Variants in JHY observed in about 807,000 individuals in gnomAD.
JHY encodes jhy protein homolog.
JHY carries 69 observed loss-of-function variants against 78.0 expected under a neutral mutation model. The observed-to-expected ratio is 0.88, with a 90% confidence interval of 0.73 to 1.08. The LOEUF (loss-of-function observed/expected upper bound fraction) is 1.08. Ranked by LOEUF, JHY falls within the 50% of genes least tolerant of loss-of-function variation. JHY has a pLI of 0.00. For synonymous variants in JHY, 368 were observed against 342.6 expected, an observed-to-expected ratio of 1.07 and a Z score of -0.82; for missense variants, 944 against 927.8, an observed-to-expected ratio of 1.02 and a Z score of -0.23.
chr11:122,961,099 C>G lies in JHY; in HGVS notation c.*1654C>G, dbSNP rs1864303813. On this transcript the variant is annotated 3_prime_UTR_variant, in exon 9 of 9. Transcript: ENST00000227349. Reference sequence around the variant, plus strand: ...CAGCCAGTTATGTAAATGTATCTATCCCAATTGAGAGAGCCAGAAACAGTT... The same window carrying G: ...CAGCCAGTTATGTAAATGTATCTATGCCAATTGAGAGAGCCAGAAACAGTT... The G allele has an allele frequency of 9.9e-7, 1 of 1,014,280 alleles. No individual in the cohort carries two copies. Among genetic ancestry groups the G allele is most frequent in the African/African-American group, 1.6e-5 (1 of 62,344 alleles). 62.8% of individuals were successfully genotyped at this position (1,014,280 alleles called of 1,614,324 possible). A position where few individuals can be genotyped will look rare whatever the true frequency, so the allele number is the denominator to read the frequency against.
intron 5 of JHY, among the ~76,000 whole-genome samples, chr11:122,937,166 GC>G (rs1863773119): frequency 6.7e-6 from 1 of 150,308 alleles, no homozygotes; most frequent in African/African-American, 2.4e-5. Context: ...CTGTCATAAA[GC>G]TTTTTGTAGT....
intron 3 of JHY, among the ~76,000 whole-genome samples, chr11:122,924,327 A>G (rs925545541): frequency 2.6e-5 from 4 of 151,868 alleles, no homozygotes. Context: ...ACCCAGCTCT[A>G]CTACTTACTA....
chr11:122,929,330 G>A (rs1363852949), intron 4 of JHY, among the ~76,000 whole-genome samples: 1 of 151,720 alleles, frequency 6.6e-6, no homozygotes, highest in Non-Finnish European at 1.5e-5. Flanking sequence ...GCAGTAATAT[G>A]GACCTGGGTA....
At chr11:122,888,286 A>G (rs566363264) in intron 2 of JHY, among the ~76,000 whole-genome samples, 32 of 152,302 alleles carry the variant, frequency 2.1e-4, no homozygotes, top group Non-Finnish European at 4.1e-4. Context: ...GAAGATTATT[A>G]TGCAAGCTAG....
chr11:122,934,859 A>G lies in JHY; in HGVS notation c.1418A>G (p.Lys473Arg). 6.2e-7 allele frequency: 1 copy of G among 1,613,994 alleles called. No homozygotes were observed. The highest frequency in any genetic ancestry group is 8.5e-7 in the Non-Finnish European group (1 of 1,179,996). ...AATGTTAATAAAGAAAGAGGACACA[A>G]AGACCAAGAAGAGAAAAGATTTTCA... ...GLNVNKERGHKDQEEKRFSYQ... is the reference protein window; with the variant it reads ...GLNVNKERGHRDQEEKRFSYQ... The change falls in exon 5 of 9, where the codon AAA becomes AGA. Residue 473 changes from lysine (K) to arginine (R), a missense_variant. Coordinates refer to ENST00000227349, the MANE Select transcript of JHY (RefSeq NM_024806.4).
intron 2 of JHY, among the ~76,000 whole-genome samples, chr11:122,893,967 C>T (rs1862680028): frequency 6.6e-6 from 1 of 152,130 alleles, no homozygotes; most frequent in Non-Finnish European, 1.5e-5. Flanking sequence ...CACTCCATTG[C>T]CTTCTTATGA....
rs893901755 is a variant in JHY at position 122,961,150 on chromosome 11, T to C, written c.*1705T>C. ...GACTGACTAAATGGAAACTAGGCTA[T>C]GTGGCAAAATCTTTCTGTATTGCCC... is the stretch of plus-strand genomic sequence containing the variant. On this transcript the variant is annotated 3_prime_UTR_variant, in exon 9 of 9. Transcript: ENST00000227349. 6 of 650,526 alleles carry C rather than the reference T, an allele frequency of 9.2e-6. No individual in the cohort carries two copies. Among genetic ancestry groups the C allele is most frequent in the Non-Finnish European group, 1.6e-5 (6 of 368,898 alleles). The allele number at this position is 650,526 out of a possible 1,614,324, so 40.3% of individuals were successfully genotyped here.
chr11:122,961,184 A>G lies in JHY; in HGVS notation c.*1739A>G. On this transcript the variant is annotated 3_prime_UTR_variant, in exon 9 of 9. Coordinates refer to ENST00000227349, the MANE Select transcript of JHY (RefSeq NM_024806.4). ...ATCTTTCTGTATTGCCCTCTACTGA[A>G]GTAGATAGTTTATATCTCCTAAAAA... The G allele has an allele frequency of 3.8e-6, 2 of 521,122 alleles. No homozygotes were observed. The highest frequency in any genetic ancestry group is 7.2e-6 in the Non-Finnish European group (2 of 277,358). 32.3% of individuals were successfully genotyped at this position (521,122 alleles called of 1,614,324 possible).
intron 2 of JHY, among the ~76,000 whole-genome samples, chr11:122,896,847 GGTTT>G (rs112894471): frequency 0.02 from 3,109 of 152,048 alleles, 98 homozygotes; most frequent in African/African-American, 0.068. Flanking sequence ...GCATTTAGAT[GGTTT>G]GTTTGTTTGT....
At chr11:122,947,910 G>A (rs1046977335) in intron 6 of JHY, among the ~76,000 whole-genome samples, 3 of 152,084 alleles carry the variant, frequency 2.0e-5, no homozygotes, top group African/African-American at 7.2e-5. Flanking sequence ...CCAGGCTTTT[G>A]TTCTCCCATA....
At chr11:122,910,458 A>C (rs1863090660) in intron 3 of JHY, among the ~76,000 whole-genome samples, 1 of 151,772 alleles carries the variant, frequency 6.6e-6, no homozygotes, top group South Asian at 2.1e-4. Flanking sequence ...CGACAGAGTG[A>C]GATTCTTGTC....
At chr11:122,886,289 C>CCTTACT in intron 2 of JHY, 96 bp downstream of exon 2, 1 of 1,189,090 alleles carries the variant, frequency 8.4e-7, no homozygotes, top group Non-Finnish European at 1.2e-6. Flanking sequence ...GGCAAGCTGC[C>CCTTACT]CTAATGAGCG....
intron 3 of JHY, among the ~76,000 whole-genome samples, chr11:122,912,441 G>A (rs532360543): frequency 6.6e-6 from 1 of 152,234 alleles, no homozygotes; most frequent in Non-Finnish European, 1.5e-5. Flanking sequence ...CCCATCCCTG[G>A]TAGCAGCATT....
At position 122,884,974 on chromosome 11, in the gene JHY, A is replaced by AT. The variant is rs11314367; in HGVS notation, c.-89-771dup. On this transcript the variant is annotated intron_variant, in intron 1 of 8. Coordinates refer to ENST00000227349, the MANE Select transcript of JHY (RefSeq NM_024806.4). ...CCCACCATGCCCACTAATTTTTTGT[A>AT]TTTTTTTTTTTTTTTTGTAGAGATG... is the stretch of plus-strand genomic sequence containing the variant. Among the ~76,000 whole-genome samples the AT allele has an allele frequency of 5.7e-3, 747 of 131,758 alleles. 2 individuals carry two copies. The highest frequency in any genetic ancestry group is 0.01 in the East Asian group (46 of 4,538). 86.4% of individuals were successfully genotyped at this position (131,758 alleles called of 152,430 possible).
At chr11:122,954,278 G>A (rs1255758599) in intron 6 of JHY, among the ~76,000 whole-genome samples, 2 of 152,180 alleles carry the variant, frequency 1.3e-5, no homozygotes, top group Non-Finnish European at 2.9e-5. Context: ...CAGCCTTAAA[G>A]CTTTCCAAAA....
At position 122,904,103 on chromosome 11, in the gene JHY, G is replaced by A. The variant is rs971043605; in HGVS notation, c.523G>A (p.Gly175Arg). The A allele has an allele frequency of 1.9e-6, 3 of 1,614,118 alleles. No homozygotes were observed. Among genetic ancestry groups the A allele is most frequent in the East Asian group, 4.5e-5 (2 of 44,874 alleles). ...CCAGGAGACGTCAATGGAACTCTCCGGGGGAAAAGGCGAGCAGAAAGAGAG... is the reference window on the plus strand; with the variant it reads ...CCAGGAGACGTCAATGGAACTCTCCAGGGGAAAAGGCGAGCAGAAAGAGAG... ...PSQETSMELS[G>R]GKGEQKESPQ... The change falls in exon 3 of 9, where the codon GGG (glycine) becomes AGG (arginine). Residue 175 changes from glycine to arginine, a missense_variant. By Grantham distance (125) the Gly-to-Arg change is moderately radical (BLOSUM62 -2). Transcript: ENST00000227349.
At chr11:122,908,843 C>T (rs560782751) in intron 3 of JHY, among the ~76,000 whole-genome samples, 1 of 152,284 alleles carries the variant, frequency 6.6e-6, no homozygotes, top group Admixed American at 6.5e-5. Flanking sequence ...GGATTACAGG[C>T]ACCCGCCACC....
chr11:122,910,480 A>C (rs1187065139), intron 3 of JHY, among the ~76,000 whole-genome samples: 2 of 152,016 alleles, frequency 1.3e-5, no homozygotes, highest in East Asian at 3.9e-4. Flanking sequence ...CCAAAAAAAA[A>C]AACCAAAAAA....
intron 2 of JHY, among the ~76,000 whole-genome samples, chr11:122,899,789 A>G (rs895815437): frequency 7.2e-5 from 11 of 152,250 alleles, no homozygotes; most frequent in Non-Finnish European, 1.6e-4. Flanking sequence ...TAAAACAAAT[A>G]GAATTTATCC....
Sources: gnomAD v4.1 joint callset for allele counts (sites outside exome capture counted in the v4.1 genomes callset) on GRCh38, gnomAD v4.1.1 for gene constraint, MANE v1.5 for transcripts, NCBI Gene and HGNC (gene_info 2026-07-23, HGNC 2026-07-21) for gene names.